Variants in DLG2 observed in about 807,000 individuals in gnomAD.
The protein encoded by DLG2 is discs large MAGUK scaffold protein 2, also known as disks large homolog 2.
DLG2 carries 45 observed loss-of-function variants against 132.5 expected under a neutral mutation model. The ratio of observed to expected loss-of-function variants is 0.34; its 90% CI spans 0.27 to 0.44. DLG2 has a LOEUF of 0.44. DLG2 is among the 20% of genes least tolerant of loss of function. The pLI, the probability that DLG2 is intolerant of heterozygous loss-of-function variation, is 1.00. For missense variants in DLG2, 1,045 were observed against 1,196.9 expected (o/e 0.87, Z 1.87); for synonymous variants, 424 against 419.6 (o/e 1.01, Z -0.13).
chr11:83,644,137 CA>C (rs2067418444), intron 18 of DLG2, among the ~76,000 whole-genome samples: 1 of 152,114 alleles, frequency 6.6e-6, no homozygotes, highest in African/African-American at 2.4e-5. Flanking sequence ...TCAAATACAA[CA>C]GATACTTTTC....
intron 6 of DLG2, among the ~76,000 whole-genome samples, chr11:84,827,019 T>A (rs1275701146): frequency 6.6e-6 from 1 of 151,806 alleles, no homozygotes; most frequent in Non-Finnish European, 1.5e-5. Flanking sequence ...TCAATTTTTT[T>A]ACTATCTTCA....
intron 8 of DLG2, among the ~76,000 whole-genome samples, chr11:84,187,545 A>T (rs1286636748): frequency 6.6e-6 from 1 of 152,062 alleles, no homozygotes; most frequent in Non-Finnish European, 1.5e-5. Context: ...AAATTTGGTC[A>T]TCTTAAAACC....
intron 6 of DLG2, among the ~76,000 whole-genome samples, chr11:84,945,968 G>A (rs2050145841): frequency 6.6e-6 from 1 of 151,748 alleles, no homozygotes. Context: ...AGCAGAAGGA[G>A]CTTCGCCCTG....
chr11:83,554,226 A>G (rs2096465432), intron 19 of DLG2, among the ~76,000 whole-genome samples: 1 of 152,038 alleles, frequency 6.6e-6, no homozygotes, highest in South Asian at 2.1e-4. Context: ...AAGCTGGGAC[A>G]TTTTTCCATG....
intron 19 of DLG2, among the ~76,000 whole-genome samples, chr11:83,609,102 A>G (rs1240393312): frequency 2.6e-5 from 4 of 152,218 alleles, no homozygotes; most frequent in African/African-American, 9.7e-5. Context: ...CATAGGATGA[A>G]TTAAATCAGA....
At position 83,863,821 on chromosome 11, in the gene DLG2, A is replaced by C. The variant is rs144465322; in HGVS notation, c.1565+10599T>G. 6.9e-3 allele frequency among the ~76,000 whole-genome samples: 1,051 copies of C among 152,266 alleles called. 13 individuals carry two copies. The highest frequency in any genetic ancestry group is 0.021 in the African/African-American group (857 of 41,574). On this transcript the variant is annotated intron_variant, in intron 16 of 27. Coordinates refer to ENST00000376104, the MANE Select transcript of DLG2 (RefSeq NM_001142699.3). ...GATATGCCAAAAGGCCATCTTCTTT[A>C]AATTATACCAGGCTGCTATACCAAG...
intron 14 of DLG2, among the ~76,000 whole-genome samples, chr11:83,950,919 C>A (rs1188636321): frequency 6.6e-6 from 1 of 152,066 alleles, no homozygotes; most frequent in Non-Finnish European, 1.5e-5. Flanking sequence ...TTTGCCTGCC[C>A]CCCCCTCCAC....
intron 7 of DLG2, among the ~76,000 whole-genome samples, chr11:84,310,854 C>T (rs373517485): frequency 2.6e-5 from 4 of 152,138 alleles, no homozygotes; most frequent in East Asian, 1.9e-4. Flanking sequence ...AAAAGTCCTC[C>T]GCACTCAAGT....
At chr11:84,240,024 C>A (rs752237066) in intron 8 of DLG2, among the ~76,000 whole-genome samples, 3 of 152,198 alleles carry the variant, frequency 2.0e-5, no homozygotes, top group Non-Finnish European at 4.4e-5. Context: ...ATGGCTCAGT[C>A]TCCCTTTGCA....
At chr11:84,904,772 C>T (rs182374383) in intron 6 of DLG2, among the ~76,000 whole-genome samples, 1 of 152,288 alleles carries the variant, frequency 6.6e-6, no homozygotes, top group African/African-American at 2.4e-5. Flanking sequence ...TTCCCCATTT[C>T]CCTGCCAAGG....
intron 18 of DLG2, among the ~76,000 whole-genome samples, chr11:83,685,474 T>C (rs749510238): frequency 2.0e-5 from 3 of 152,128 alleles, no homozygotes; most frequent in Non-Finnish European, 2.9e-5. Context: ...CCTGAATCGA[T>C]CATTGTCTCT....
chr11:85,170,636 T>G (rs1391668435), intron 4 of DLG2, among the ~76,000 whole-genome samples: 1 of 152,140 alleles, frequency 6.6e-6, no homozygotes, highest in East Asian at 1.9e-4. Flanking sequence ...GAAGGTTAAA[T>G]AATGTCCCAG....
At chr11:83,687,203 T>C (rs775901372) in intron 18 of DLG2, among the ~76,000 whole-genome samples, 1 of 152,196 alleles carries the variant, frequency 6.6e-6, no homozygotes, top group Non-Finnish European at 1.5e-5. Context: ...AAACAATACA[T>C]TTCTCTTGTT....
intron 15 of DLG2, among the ~76,000 whole-genome samples, chr11:83,909,213 A>C (rs1276620572): frequency 2.0e-5 from 3 of 152,190 alleles, no homozygotes; most frequent in African/African-American, 7.2e-5. Context: ...GGCATTTATT[A>C]CTAAGTTGCT....
chr11:85,357,430 G>A (rs1234591832), intron 3 of DLG2, among the ~76,000 whole-genome samples: 3 of 150,122 alleles, frequency 2.0e-5, no homozygotes, highest in Middle Eastern at 3.4e-3. Context: ...CTGACCTCGT[G>A]ATCCACCCAC....
At chr11:84,668,994 T>C (rs1188374972) in intron 6 of DLG2, among the ~76,000 whole-genome samples, 1 of 152,058 alleles carries the variant, frequency 6.6e-6, no homozygotes, top group African/African-American at 2.4e-5. Context: ...AACAGGTGTA[T>C]CTTCAAATTG....
chr11:84,085,141 A>G (rs940289746), intron 10 of DLG2, among the ~76,000 whole-genome samples: 2 of 152,240 alleles, frequency 1.3e-5, no homozygotes, highest in Non-Finnish European at 2.9e-5. Flanking sequence ...TTACCACATT[A>G]TTAGACCTTT....
chr11:85,059,703 G>A (rs2063829810), intron 6 of DLG2, among the ~76,000 whole-genome samples: 1 of 151,504 alleles, frequency 6.6e-6, no homozygotes, highest in African/African-American at 2.4e-5. Context: ...AAGTTTCACA[G>A]GTGTAACTAA....
chr11:85,229,392 C>T (rs939746517), intron 4 of DLG2, among the ~76,000 whole-genome samples: 1 of 151,996 alleles, frequency 6.6e-6, no homozygotes, highest in East Asian at 1.9e-4. Flanking sequence ...TGAAAAAAAG[C>T]TTATCATCAC....
Sources: allele counts gnomAD v4.1 joint callset (sites outside exome capture counted in the v4.1 genomes callset), GRCh38; gene constraint gnomAD v4.1.1; transcripts MANE v1.5; gene names NCBI Gene and HGNC (gene_info 2026-07-23, HGNC 2026-07-21).